Variants in KLF13 observed in about 807,000 individuals in gnomAD.
The protein encoded by KLF13 is Krueppel-like factor 13.
A neutral mutation model predicts 16.7 loss-of-function variants in KLF13; 8 were observed. That is an observed-to-expected ratio of 0.48 (90% confidence interval 0.28 to 0.87). The LOEUF is 0.87. Ranked by LOEUF, KLF13 falls within the 40% of genes least tolerant of loss-of-function variation. The pLI is 0.10. For missense variants in KLF13, 447 were observed against 452.2 expected (o/e 0.99, Z 0.10); for synonymous variants, 245 against 208.4 (o/e 1.18, Z -1.51).
chr15:31,328,001 G>T (rs1337476976), intron 1 of KLF13, among the ~76,000 whole-genome samples: 5 of 148,022 alleles, frequency 3.4e-5, no homozygotes, highest in Admixed American at 3.3e-4. Flanking sequence ...CGCCCGCCAG[G>T]CGACCGCGCC....
At position 31,376,095 on chromosome 15, in the gene KLF13, G is replaced by A. The variant is rs1462380288; in HGVS notation, c.*3796G>A. On this transcript the variant is annotated 3_prime_UTR_variant, in exon 2 of 2. Coordinates refer to ENST00000307145, the MANE Select transcript of KLF13 (RefSeq NM_015995.4). ...TCTGCCTCAGGACTTGACCTCAAGT[G>A]TTCTGTCTCCCCACCCGGTGTGTCC... The A allele has an allele frequency of 6.5e-6, 1 of 152,712 alleles. No individual in the cohort carries two copies. The highest frequency in any genetic ancestry group is 1.5e-5 in the Non-Finnish European group (1 of 68,100). The allele number at this position is 152,712 out of a possible 1,614,324, so 9.5% of individuals were successfully genotyped here.
At chr15:31,328,699 C>T (rs944130395) in intron 1 of KLF13, among the ~76,000 whole-genome samples, 1 of 152,220 alleles carries the variant, frequency 6.6e-6, no homozygotes, top group African/African-American at 2.4e-5. Context: ...TTCCCACGCG[C>T]GGCCCGATAC....
chr15:31,400,103 C>T (rs974390151), intron 2 of KLF13, among the ~76,000 whole-genome samples: 28 of 152,224 alleles, frequency 1.8e-4, no homozygotes, highest in African/African-American at 6.0e-4. Flanking sequence ...CCATGGGGTT[C>T]TTGACAGCCT....
chr15:31,393,730 GT>G (rs1254923217), intron 2 of KLF13: 5 of 152,296 alleles, frequency 3.3e-5, no homozygotes, highest in Admixed American at 2.6e-4. Context: ...CTGAGATCAT[GT>G]TCATTATGGC....
chr15:31,350,297 G>A (rs931554372), intron 1 of KLF13, among the ~76,000 whole-genome samples: 3 of 152,228 alleles, frequency 2.0e-5, no homozygotes, highest in Non-Finnish European at 2.9e-5. Context: ...GCCCCCCAGC[G>A]TGCAGGGCAC....
chr15:31,396,559 A>T (rs1028577758), intron 2 of KLF13, among the ~76,000 whole-genome samples: 24 of 152,194 alleles, frequency 1.6e-4, no homozygotes, highest in African/African-American at 5.8e-4. Flanking sequence ...GTCTTCTTGC[A>T]TTGAGTCAGT....
chr15:31,329,857 C>T (rs556285053), intron 1 of KLF13, among the ~76,000 whole-genome samples: 1 of 152,296 alleles, frequency 6.6e-6, no homozygotes, highest in South Asian at 2.1e-4. Context: ...AGGGCTCCGG[C>T]AGCGGGGTGG....
At chr15:31,412,578 C>T (rs2040208014) in intron 1 of KLF13, among the ~76,000 whole-genome samples, 1 of 152,130 alleles carries the variant, frequency 6.6e-6, no homozygotes, top group South Asian at 2.1e-4. Context: ...TCATGCACAA[C>T]TGCAATTAAA....
At chr15:31,336,000 C>A (rs1008833141) in intron 1 of KLF13, among the ~76,000 whole-genome samples, 9 of 152,272 alleles carry the variant, frequency 5.9e-5, no homozygotes, top group African/African-American at 2.2e-4. Context: ...GTGCTTGTCT[C>A]CTGTGAGCAC....
downstream of KLF13, among the ~76,000 whole-genome samples, chr15:31,379,163 T>G (rs2039692851): frequency 6.6e-6 from 1 of 152,214 alleles, no homozygotes; most frequent in Non-Finnish European, 1.5e-5. Context: ...AACGTTTGTT[T>G]TCTGTATCAT....
chr15:31,347,272 C>T (rs928621773), intron 1 of KLF13, among the ~76,000 whole-genome samples: 3 of 152,172 alleles, frequency 2.0e-5, no homozygotes, highest in African/African-American at 7.2e-5. Context: ...TGCTGAGCCC[C>T]ACTGGGACAG....
At chr15:31,431,678 A>T (rs185663124) in intron 1 of KLF13, among the ~76,000 whole-genome samples, 2 of 152,248 alleles carry the variant, frequency 1.3e-5, no homozygotes, top group Admixed American at 6.5e-5. Flanking sequence ...GTTAGCCAGG[A>T]TGGTCGCTAT....
At chr15:31,382,015 G>A (rs1249173846), downstream of KLF13, among the ~76,000 whole-genome samples, 2 of 152,224 alleles carry the variant, frequency 1.3e-5, no homozygotes, top group Non-Finnish European at 2.9e-5. Context: ...CACCTGGGAA[G>A]CAAGCTTGGC....
At position 31,395,505 on chromosome 15, in the gene KLF13, A is replaced by G. The variant is rs193048082; in HGVS notation, n.529+1814A>G. Among the ~76,000 whole-genome samples the G allele has an allele frequency of 5.3e-5, 8 of 152,194 alleles. No individual in the cohort carries two copies. In the East Asian group the frequency reaches 1.5e-3, roughly 29 times the overall value. ...ACATAAGTTTTCATTTCTCTCGGGT[A>G]TACACCTAGGAGTGGGATTACTGGG... is the stretch of plus-strand genomic sequence containing the variant. On this transcript the variant is annotated intron_variant and non_coding_transcript_variant, in intron 2 of 2. Transcript: ENST00000500533.
intron 1 of KLF13, among the ~76,000 whole-genome samples, chr15:31,421,661 G>A (rs186205673): frequency 6.6e-5 from 10 of 151,784 alleles, no homozygotes; most frequent in African/African-American, 2.2e-4. Flanking sequence ...AAATGAGAAA[G>A]GAATCAAACT....
At chr15:31,358,523 A>G (rs1465670377) in intron 1 of KLF13, among the ~76,000 whole-genome samples, 1 of 152,330 alleles carries the variant, frequency 6.6e-6, no homozygotes, top group Non-Finnish European at 1.5e-5. Flanking sequence ...ACCTTTTCAC[A>G]CAGTTGTTTA....
At chr15:31,360,018 A>G (rs2039357907) in intron 1 of KLF13, among the ~76,000 whole-genome samples, 1 of 152,194 alleles carries the variant, frequency 6.6e-6, no homozygotes, top group Admixed American at 6.5e-5. Context: ...CTCCCTTGGC[A>G]TCAGGCAGAC....
At chr15:31,425,296 T>C (rs1595515336) in intron 1 of KLF13, among the ~76,000 whole-genome samples, 1 of 152,188 alleles carries the variant, frequency 6.6e-6, no homozygotes, top group Non-Finnish European at 1.5e-5. Context: ...AAAATGTATA[T>C]GGAATCCTAA....
intron 1 of KLF13, among the ~76,000 whole-genome samples, chr15:31,433,818 A>G (rs2040499463): frequency 6.6e-6 from 1 of 152,218 alleles, no homozygotes; most frequent in African/African-American, 2.4e-5. Flanking sequence ...CATCAGTCCC[A>G]CGCCAGTCCC....
Sources: allele counts gnomAD v4.1 joint callset (sites outside exome capture counted in the v4.1 genomes callset), GRCh38; gene constraint gnomAD v4.1.1; transcripts MANE v1.5; gene names NCBI Gene and HGNC (gene_info 2026-07-23, HGNC 2026-07-21).